The following DYNC1H1 variants were observed in gnomAD, a reference collection of about 807,000 sequenced individuals.
DYNC1H1 encodes cytoplasmic dynein 1 heavy chain 1.
DYNC1H1 carries 51 observed loss-of-function variants against 527.1 expected under a neutral mutation model. The observed-to-expected ratio is 0.10, with a 90% CI of 0.08 to 0.12. The LOEUF (loss-of-function observed/expected upper bound fraction) is 0.12. Among genes scored for constraint, DYNC1H1 ranks in the 10% least tolerant of loss-of-function variants. DYNC1H1 has a pLI of 1.00. For missense variants in DYNC1H1, 2,771 were observed against 5,971.8 expected, an observed-to-expected ratio of 0.46 and a Z score of 17.66; for synonymous variants, 2,189 against 2,278.8, an observed-to-expected ratio of 0.96 and a Z score of 1.12.
intron 27 of DYNC1H1, among the ~76,000 whole-genome samples, chr14:102,006,700 A>G (rs1342980225): frequency 6.6e-6 from 1 of 151,586 alleles, no homozygotes; most frequent in Non-Finnish European, 1.5e-5. Context: ...TCCCGGGTTC[A>G]AGCGATCTCC....
At chr14:102,024,717 T>A (rs1220006824) in intron 43 of DYNC1H1, among the ~76,000 whole-genome samples, 1 of 135,248 alleles carries the variant, frequency 7.4e-6, no homozygotes, top group African/African-American at 3.0e-5. Context: ...TTTTTGGAGA[T>A]GGAGTCTCGC....
rs1315440536 is a variant in DYNC1H1, at chr14:102,027,153, TC to T, written c.8772-20del. ...GAGGCATTATAAGCCTTAACATTGATCAGTTCTCGTAATGTTTCAGAATATT... is the reference window on the plus strand; with the variant it reads ...GAGGCATTATAAGCCTTAACATTGATAGTTCTCGTAATGTTTCAGAATATT... On this transcript the variant is annotated intron_variant, in intron 44 of 77. Transcript: ENST00000360184. The surrounding 1 kb of genome is among the most constrained non-coding windows in gnomAD (Gnocchi z 7.7). 4 of 1,608,760 alleles carry T rather than the reference TC, an allele frequency of 2.5e-6. No homozygotes were observed. Among genetic ancestry groups the T allele is most frequent in the Non-Finnish European group, 3.4e-6 (4 of 1,175,212 alleles).
chr14:102,024,306 A>G (rs35789579), intron 43 of DYNC1H1, among the ~76,000 whole-genome samples: 22,641 of 152,246 alleles, frequency 0.15, 1,919 homozygotes, highest in East Asian at 0.24. Context: ...TTACCGAGTT[A>G]CAGTCTTGAC....
chr14:101,989,102 T>G (rs2047967596), intron 10 of DYNC1H1, among the ~76,000 whole-genome samples: 1 of 152,156 alleles, frequency 6.6e-6, no homozygotes, highest in Non-Finnish European at 1.5e-5. Flanking sequence ...ATGTTAACAT[T>G]GGAGAAAGCT....
intron 2 of DYNC1H1, among the ~76,000 whole-genome samples, chr14:101,978,607 T>C (rs562517207): frequency 3.3e-5 from 5 of 152,338 alleles, no homozygotes; most frequent in African/African-American, 1.2e-4. Context: ...TATAGAGTAG[T>C]ACACAAAGAA....
At position 102,005,857 on chromosome 14, in the gene DYNC1H1, A is replaced by G. The variant is rs933659286; in HGVS notation, c.5434-31A>G. 4.3e-6 allele frequency: 7 copies of G among 1,613,882 alleles called. No individual in the cohort carries two copies. The African/African-American group carries it at 8.0e-5, about 18-fold the overall frequency. On this transcript the variant is annotated intron_variant, in intron 26 of 77. Transcript: ENST00000360184. This position sits in a 1 kb window ranked among gnomAD's most constrained non-coding sequence, Gnocchi z 4.0. Reference sequence around the variant, plus strand: ...AATGCACTGTATTGCTTTAGTGTAGATGAACTTTTAAAGTGACTCTCTTTC... The same window carrying G: ...AATGCACTGTATTGCTTTAGTGTAGGTGAACTTTTAAAGTGACTCTCTTTC...
Position 102,044,027 on chromosome 14 carries a change from G to C in DYNC1H1, c.12666G>C (p.Trp4222Cys). ...LRSACDTVDT[W>C]LDDTAKGRQN... The stretch of plus-strand genomic sequence containing the variant: ...CAGCTTGCGATACGGTGGACACGTG[G>C]CTGGATGACACGGCCAAGGCAAGTG... Residue 4222 changes from tryptophan (W) to cysteine (C), a missense_variant, in exon 70 of 78, where the codon TGG (tryptophan) becomes TGC (cysteine). Physicochemically the swap from Trp to Cys is radical, Grantham distance 215 (BLOSUM62 -2). This residue lies in a region of DYNC1H1 where 195 missense variants were observed against 428.6 expected (regional missense o/e 0.45). Coordinates refer to ENST00000360184, the MANE Select transcript of DYNC1H1 (RefSeq NM_001376.5). The surrounding 1 kb of genome is among the most constrained non-coding windows in gnomAD (Gnocchi z 7.1). The C allele has an allele frequency of 6.2e-7, 1 of 1,613,984 alleles. No homozygotes were observed. The highest frequency in any genetic ancestry group is 1.3e-5 in the African/African-American group (1 of 75,066).
chr14:102,015,283 G>C lies in DYNC1H1; in HGVS notation c.7193G>C (p.Arg2398Pro), dbSNP rs912429154. The C allele has an allele frequency of 6.2e-7, 1 of 1,614,198 alleles. No individual in the cohort carries two copies. Among genetic ancestry groups the C allele is most frequent in the Non-Finnish European group, 8.5e-7 (1 of 1,180,032 alleles). ...DEGEDEAQRR[R>P]KGKEDEGEEA... is the part of the protein sequence containing the mutation. Reference sequence around the variant, plus strand: ...GGGGAGGATGAGGCACAGCGGCGGCGTAAGGGCAAAGAGGATGAGGGGGAG... The same window carrying C: ...GGGGAGGATGAGGCACAGCGGCGGCCTAAGGGCAAAGAGGATGAGGGGGAG... The change falls in exon 35 of 78, where the codon CGT becomes CCT. Residue 2398 changes from arginine (R) to proline (P), a missense_variant. Transcript: ENST00000360184. This position sits in a 1 kb window ranked among gnomAD's most constrained non-coding sequence, Gnocchi z 6.9.
In DYNC1H1 at chr14:102,044,038, C is replaced by G. The variant is rs776972173; in HGVS notation, c.12677C>G (p.Thr4226Arg). ...ACGGTGGACACGTGGCTGGATGACA[C>G]GGCCAAGGCAAGTGTGGGCCATGCC... ...CDTVDTWLDD[T>R]AKGRQNISPD... The change falls in exon 70 of 78, where the codon ACG becomes AGG. Residue 4226 changes from threonine to arginine, a missense_variant. Physicochemically the swap from Thr to Arg is moderately conservative, Grantham distance 71. Transcript: ENST00000360184. This position sits in a 1 kb window ranked among gnomAD's most constrained non-coding sequence, Gnocchi z 7.1. The G allele has an allele frequency of 1.2e-6, 2 of 1,613,662 alleles. No individual in the cohort carries two copies. The highest frequency in any genetic ancestry group is 1.7e-6 in the Non-Finnish European group (2 of 1,180,052).
At chr14:101,991,771 A>T in intron 11 of DYNC1H1, 98 bp downstream of exon 11, 1 of 1,546,286 alleles carries the variant, frequency 6.5e-7, no homozygotes, top group Non-Finnish European at 8.9e-7. Flanking sequence ...TAAGCTCTTG[A>T]TGTTGTTTAC....
At chr14:101,973,796 A>ATT (rs1290143686) in intron 1 of DYNC1H1, among the ~76,000 whole-genome samples, 1 of 152,166 alleles carries the variant, frequency 6.6e-6, no homozygotes, top group African/African-American at 2.4e-5. Flanking sequence ...AGAGCAAGAC[A>ATT]TTGTCTCTAA....
Position 101,991,560 on chromosome 14 carries a change from G to A in DYNC1H1, c.2902G>A (p.Val968Ile). 1.2e-6 allele frequency: 2 copies of A among 1,614,180 alleles called. No individual in the cohort carries two copies. Among genetic ancestry groups the A allele is most frequent in the Non-Finnish European group, 1.7e-6 (2 of 1,180,032 alleles). Reference protein sequence around the residue: ...VVHELRITNQVIYLNPPIEEC... With the variant: ...VVHELRITNQIIYLNPPIEEC... ...TCATGAGCTAAGAATAACCAATCAG[G>A]TAATCTACTTGAATCCACCAATTGA... Residue 968 changes from valine to isoleucine, a missense_variant, in exon 11 of 78, where the codon GTA becomes ATA. Coordinates refer to ENST00000360184, the MANE Select transcript of DYNC1H1 (RefSeq NM_001376.5).
At chr14:102,040,435 A>G (rs1274204341) in intron 63 of DYNC1H1, 25 bp downstream of exon 63, 1 of 1,614,026 alleles carries the variant, frequency 6.2e-7, no homozygotes. Flanking sequence ...GAATGTTCCC[A>G]GTAGGTAAAT....
chr14:102,012,213 T>C lies in DYNC1H1; in HGVS notation c.6857+100T>C. ...TATACGTTATTTTTCAACCAAAGTCTGAGCAAATTAAAGGTCATTTCAGAA... is the reference window on the plus strand; with the variant it reads ...TATACGTTATTTTTCAACCAAAGTCCGAGCAAATTAAAGGTCATTTCAGAA... On this transcript the variant is annotated intron_variant, in intron 33 of 77. Coordinates refer to ENST00000360184, the MANE Select transcript of DYNC1H1 (RefSeq NM_001376.5). The surrounding 1 kb of genome is among the most constrained non-coding windows in gnomAD (Gnocchi z 4.9). The C allele has an allele frequency of 1.2e-6, 2 of 1,612,194 alleles. No homozygotes were observed. Among genetic ancestry groups the C allele is most frequent in the South Asian group, 2.2e-5 (2 of 90,890 alleles).
At position 102,002,439 on chromosome 14, in the gene DYNC1H1, A is replaced by C; in HGVS notation, c.4543-98A>C. ...TGTTGTTTAAAATGTGAATCAGATT[A>C]CTTCATGAGATCCTGATCTGCGCTT... is the stretch of plus-strand genomic sequence containing the variant. On this transcript the variant is annotated intron_variant, in intron 21 of 77. Transcript: ENST00000360184. This position sits in a 1 kb window ranked among gnomAD's most constrained non-coding sequence, Gnocchi z 4.4. 6.7e-7 allele frequency: 1 copy of C among 1,482,810 alleles called. No homozygotes were observed. Among genetic ancestry groups the C allele is most frequent in the Non-Finnish European group, 9.4e-7 (1 of 1,064,384 alleles). 91.9% of individuals were successfully genotyped at this position (1,482,810 alleles called of 1,614,324 possible). A position where few individuals can be genotyped will look rare whatever the true frequency, so the allele number is the denominator to read the frequency against.
chr14:102,046,910 C>T (rs1404024870), intron 72 of DYNC1H1, among the ~76,000 whole-genome samples: 1 of 152,130 alleles, frequency 6.6e-6, no homozygotes, highest in South Asian at 2.1e-4. Context: ...GCGATCCCCC[C>T]ACCTCAGCCT....
Position 102,050,623 on chromosome 14 carries a change from T to G in DYNC1H1, c.*60T>G. On this transcript the variant is annotated 3_prime_UTR_variant, in exon 78 of 78. Transcript: ENST00000360184. Reference sequence around the variant, plus strand: ...GTTGGTATTTAACATTTATTCATTTTTAAAATATTTGGAAGGTCTGAGCTT... The same window carrying G: ...GTTGGTATTTAACATTTATTCATTTGTAAAATATTTGGAAGGTCTGAGCTT... The G allele has an allele frequency of 6.2e-7, 1 of 1,613,246 alleles. No homozygotes were observed. The highest frequency in any genetic ancestry group is 8.5e-7 in the Non-Finnish European group (1 of 1,179,382).
chr14:102,043,545 T>G, intron 69 of DYNC1H1: 1 of 377,350 alleles, frequency 2.7e-6, no homozygotes, highest in South Asian at 2.2e-5. Flanking sequence ...CCGAAACTCT[T>G]GGGCGAGAGG....
chr14:102,040,778 A>G (rs2048640278), intron 64 of DYNC1H1, 105 bp downstream of exon 64: 1 of 1,326,770 alleles, frequency 7.5e-7, no homozygotes, highest in East Asian at 2.3e-5. Flanking sequence ...TGGGCAACAT[A>G]GTAAGGCCCC....
Sources: allele counts gnomAD v4.1 joint callset (sites outside exome capture counted in the v4.1 genomes callset), GRCh38; gene constraint gnomAD v4.1.1; regional missense constraint gnomAD v4.1.1; non-coding constraint Gnocchi (gnomAD v3.1); transcripts MANE v1.5; gene names NCBI Gene and HGNC (gene_info 2026-07-23, HGNC 2026-07-21).